Variants in RMDN2 observed in about 807,000 individuals in gnomAD.
RMDN2 encodes regulator of microtubule dynamics protein 2.
In RMDN2, 61 loss-of-function variants were observed where a neutral mutation model predicts 52.8. The ratio of observed to expected loss-of-function variants is 1.16; its 90% CI spans 0.94 to 1.43. The LOEUF (loss-of-function observed/expected upper bound fraction) is 1.43. Among genes scored for constraint, RMDN2 ranks in the 40% most tolerant of loss-of-function variants. RMDN2 has a pLI of 0.00. For missense variants in RMDN2, 592 were observed against 475.3 expected (o/e 1.25, Z -2.28); for synonymous variants, 180 against 153.1 (o/e 1.18, Z -1.30).
chr2:37,922,821 T>C (rs1325720218), upstream of RMDN2, among the ~76,000 whole-genome samples: 1 of 152,144 alleles, frequency 6.6e-6, no homozygotes, highest in Non-Finnish European at 1.5e-5. Context: ...TTTGGACGGG[T>C]GGCAAGCAAC....
chr2:37,937,501 T>C (rs1667407114), intron 2 of RMDN2, among the ~76,000 whole-genome samples: 1 of 152,244 alleles, frequency 6.6e-6, no homozygotes, highest in African/African-American at 2.4e-5. Context: ...GTGGCCATTT[T>C]CACAATATTG....
intron 10 of RMDN2, among the ~76,000 whole-genome samples, chr2:38,025,724 T>C (rs991281757): frequency 2.6e-5 from 4 of 152,096 alleles, no homozygotes. Flanking sequence ...GATGATCATA[T>C]GGTTTTACTG....
upstream of RMDN2, among the ~76,000 whole-genome samples, chr2:37,921,853 G>C (rs1388470035): frequency 1.3e-5 from 2 of 152,128 alleles, no homozygotes; most frequent in East Asian, 1.9e-4. Context: ...TTAGATTGTT[G>C]GGAAAATGGA....
chr2:37,968,850 G>A (rs1671427027), intron 2 of RMDN2, among the ~76,000 whole-genome samples: 1 of 152,180 alleles, frequency 6.6e-6, no homozygotes, highest in Non-Finnish European at 1.5e-5. Flanking sequence ...TTTGGGAGGA[G>A]GGCTGGGTAG....
At chr2:37,976,607 C>T (rs1672497718) in intron 4 of RMDN2, among the ~76,000 whole-genome samples, 1 of 152,192 alleles carries the variant, frequency 6.6e-6, no homozygotes, top group African/African-American at 2.4e-5. Context: ...GATGAGAGGG[C>T]TTCCCCCTCT....
intron 2 of RMDN2, among the ~76,000 whole-genome samples, chr2:37,973,399 T>A (rs1672050858): frequency 6.6e-6 from 1 of 152,216 alleles, no homozygotes; most frequent in Non-Finnish European, 1.5e-5. Context: ...AACTGTATCA[T>A]CCATTCAGCA....
chr2:37,958,081 T>C (rs979510592), intron 2 of RMDN2, among the ~76,000 whole-genome samples: 1 of 152,250 alleles, frequency 6.6e-6, no homozygotes, highest in Non-Finnish European at 1.5e-5. Context: ...GGTAGTGTGA[T>C]GCCTCCAGCT....
chr2:37,968,406 TC>T (rs1289242287), intron 2 of RMDN2, among the ~76,000 whole-genome samples: 1 of 123,776 alleles, frequency 8.1e-6, no homozygotes, highest in Non-Finnish European at 1.6e-5. Flanking sequence ...ACCACTGCCC[TC>T]CAGCCTGGGT....
chr2:37,972,985 T>C (rs1671999459), intron 2 of RMDN2, among the ~76,000 whole-genome samples: 1 of 152,222 alleles, frequency 6.6e-6, no homozygotes, highest in Non-Finnish European at 1.5e-5. Flanking sequence ...TTTTTTTGTT[T>C]GTTTCTATCT....
intron 2 of RMDN2, among the ~76,000 whole-genome samples, chr2:37,933,186 G>A (rs1666980929): frequency 6.6e-6 from 1 of 152,042 alleles, no homozygotes; most frequent in Non-Finnish European, 1.5e-5. Context: ...CGGCCGGGCA[G>A]AGATGCTCCT....
At chr2:38,051,073 C>T (rs1047107536) in intron 10 of RMDN2, among the ~76,000 whole-genome samples, 2 of 152,076 alleles carry the variant, frequency 1.3e-5, no homozygotes, top group Non-Finnish European at 1.5e-5. Flanking sequence ...GGCTGTGCCC[C>T]GAGGAATGAG....
rs139590086 is a variant in RMDN2 at position 38,058,154 on chromosome 2, C to T, written c.1714-8828C>T. On this transcript the variant is annotated intron_variant, in intron 10 of 10. Coordinates refer to the RMDN2 transcript ENST00000234195. ...AATTGTGCTCCTCACATGCCTTGTT[C>T]TTTTGACCTGAGTTTATTTTCTACT... Among the ~76,000 whole-genome samples, 271 of 152,302 alleles carry T rather than the reference C, an allele frequency of 1.8e-3. 1 individual carries two copies. The highest frequency in any genetic ancestry group is 6.1e-3 in the African/African-American group (254 of 41,568).
chr2:38,064,146 A>G (rs1268039536), intron 10 of RMDN2, among the ~76,000 whole-genome samples: 1 of 152,196 alleles, frequency 6.6e-6, no homozygotes, highest in Non-Finnish European at 1.5e-5. Context: ...CTTTCTTCAT[A>G]GTGACTAAGC....
intron 7 of RMDN2, 56 bp from the exon 8 acceptor site, chr2:37,997,360 T>G (rs531408738): frequency 4.1e-5 from 43 of 1,038,650 alleles, no homozygotes; most frequent in African/African-American, 2.2e-4. Flanking sequence ...TGGGGAGAGA[T>G]AATCCATTCA....
chr2:37,974,121 T>G lies in RMDN2; in HGVS notation c.534T>G (p.Asn178Lys). 1 of 1,613,204 alleles carries G rather than the reference T, an allele frequency of 6.2e-7. No homozygotes were observed. The highest frequency in any genetic ancestry group is 8.5e-7 in the Non-Finnish European group (1 of 1,179,216). ...KAFNTRVEEL[N>K]LDVLLQKVDH... is the part of the protein sequence containing the mutation. Reference sequence around the variant, plus strand: ...TTAACACACGTGTAGAGGAATTAAATTTAGATGTCCTTCTTCAGAAGGTAG... The same window carrying G: ...TTAACACACGTGTAGAGGAATTAAAGTTAGATGTCCTTCTTCAGAAGGTAG... The change falls in exon 3 of 11, where the codon AAT (asparagine) becomes AAG (lysine). Residue 178 changes from asparagine to lysine, a missense_variant. Transcript: ENST00000354545.
At chr2:37,954,440 A>G (rs1005188161) in intron 2 of RMDN2, among the ~76,000 whole-genome samples, 1 of 152,106 alleles carries the variant, frequency 6.6e-6, no homozygotes, top group Non-Finnish European at 1.5e-5. Flanking sequence ...TCTCAACACC[A>G]TTTGTTGAAG....
chr2:38,063,062 G>C (rs1055716647), intron 10 of RMDN2, among the ~76,000 whole-genome samples: 2 of 152,128 alleles, frequency 1.3e-5, no homozygotes, highest in Admixed American at 1.3e-4. Context: ...ATTGTGAATA[G>C]TGCCACTATA....
intron 2 of RMDN2, among the ~76,000 whole-genome samples, chr2:37,941,162 G>T (rs1212417546): frequency 1.3e-5 from 2 of 152,186 alleles, no homozygotes; most frequent in Non-Finnish European, 2.9e-5. Context: ...TCTTCTGCAG[G>T]TCTGCTGGAG....
chr2:38,032,014 GCT>G (rs879700582), intron 10 of RMDN2, among the ~76,000 whole-genome samples: 2 of 151,716 alleles, frequency 1.3e-5, no homozygotes, highest in Admixed American at 6.6e-5. Context: ...AAAAGTGAGT[GCT>G]CTCTCTCTCT....
Sources: allele counts gnomAD v4.1 joint callset (sites outside exome capture counted in the v4.1 genomes callset), GRCh38; gene constraint gnomAD v4.1.1; transcripts MANE v1.5; gene names NCBI Gene and HGNC (gene_info 2026-07-23, HGNC 2026-07-21).